Variants in STK3 observed in about 807,000 individuals in gnomAD.
STK3 encodes the protein serine/threonine kinase 3, also known as serine/threonine-protein kinase 3.
Under a neutral mutation model 58.0 loss-of-function variants are expected in STK3, and 41 were observed. The observed-to-expected ratio is 0.71, with a 90% CI of 0.55 to 0.92. STK3 has a LOEUF of 0.92. Among genes scored for constraint, STK3 ranks in the 40% least tolerant of loss-of-function variants. The pLI is 0.00. For missense variants in STK3, 479 were observed against 602.7 expected, an observed-to-expected ratio of 0.79 and a Z score of 2.15; for synonymous variants, 170 against 191.0, an observed-to-expected ratio of 0.89 and a Z score of 0.91.
At chr8:98,746,140 T>C (rs1311007356) in intron 4 of STK3, among the ~76,000 whole-genome samples, 1 of 152,222 alleles carries the variant, frequency 6.6e-6, no homozygotes, top group Admixed American at 6.5e-5. Context: ...ATTCAAATTA[T>C]CTCTAACCCC....
At chr8:98,687,969 A>G (rs542620456) in intron 6 of STK3, among the ~76,000 whole-genome samples, 1 of 152,326 alleles carries the variant, frequency 6.6e-6, no homozygotes, top group East Asian at 1.9e-4. Flanking sequence ...GGCCCACTTA[A>G]AAGACATAGA....
chr8:98,787,109 C>A (rs546671519), intron 1 of STK3, among the ~76,000 whole-genome samples: 2 of 122,716 alleles, frequency 1.6e-5, no homozygotes, highest in Non-Finnish European at 3.1e-5. Context: ...CTGGAGGTTG[C>A]AGTGAGCTGA....
At chr8:98,494,837 T>C (rs1823001855) in intron 10 of STK3, among the ~76,000 whole-genome samples, 1 of 151,948 alleles carries the variant, frequency 6.6e-6, no homozygotes, top group African/African-American at 2.4e-5. Context: ...GAAGCACAGC[T>C]ACTGTGGAAG....
At chr8:98,431,924 A>G (rs1157942940) in intron 3 of STK3, 2 of 167,088 alleles carry the variant, frequency 1.2e-5, no homozygotes, top group Non-Finnish European at 2.9e-5. Flanking sequence ...GAATGTCCCA[A>G]TAGCATTGAG....
chr8:98,568,814 A>G (rs1032239474), intron 8 of STK3, among the ~76,000 whole-genome samples: 1 of 152,172 alleles, frequency 6.6e-6, no homozygotes, highest in Non-Finnish European at 1.5e-5. Flanking sequence ...AGATAATTGA[A>G]AGACTAACCT....
intron 3 of STK3, among the ~76,000 whole-genome samples, chr8:98,871,388 T>C (rs1415695331): frequency 6.6e-6 from 1 of 152,222 alleles, no homozygotes; most frequent in Non-Finnish European, 1.5e-5. Flanking sequence ...AGAAAGTCAT[T>C]GGTAGCTTGA....
At chr8:98,917,536 CT>C (rs1302079284) in intron 1 of STK3, among the ~76,000 whole-genome samples, 8 of 152,264 alleles carry the variant, frequency 5.3e-5, no homozygotes, top group Admixed American at 2.6e-4. Flanking sequence ...GATTAGTACA[CT>C]TTTAAAAGAA....
chr8:98,783,555 G>T (rs926607637), intron 1 of STK3, among the ~76,000 whole-genome samples: 13 of 152,164 alleles, frequency 8.5e-5, no homozygotes, highest in African/African-American at 3.1e-4. Context: ...TGATCAGGGT[G>T]GTGGTTGCAA....
chr8:98,707,503 A>C (rs1490092247), intron 4 of STK3, among the ~76,000 whole-genome samples, 192 bp from the exon 5 acceptor site: 1 of 152,058 alleles, frequency 6.6e-6, no homozygotes, highest in African/African-American at 2.4e-5. Context: ...CCTGGGCTCA[A>C]GGCATGCTCC....
intron 10 of STK3, among the ~76,000 whole-genome samples, chr8:98,508,115 G>C (rs1824235375): frequency 6.6e-6 from 1 of 152,042 alleles, no homozygotes; most frequent in African/African-American, 2.4e-5. Flanking sequence ...TGAATATCTA[G>C]AACAGTGCCA....
intron 10 of STK3, 68 bp downstream of exon 10, chr8:98,526,674 A>ATGCTTCTCAATTTATATGAACTG: frequency 1.5e-6 from 2 of 1,335,810 alleles, no homozygotes; most frequent in Non-Finnish European, 1.0e-6. Flanking sequence ...CATATGAACT[A>ATGCTTCTCAATTTATATGAACTG]TGCTTCTCAA....
At chr8:98,921,401 A>T (rs1436365182) in intron 1 of STK3, 1 of 152,550 alleles carries the variant, frequency 6.6e-6, no homozygotes, top group Non-Finnish European at 1.5e-5. Flanking sequence ...GGAGATGGTC[A>T]TCCACTTCAA....
intron 1 of STK3, among the ~76,000 whole-genome samples, chr8:98,802,317 C>G (rs1191512659): frequency 6.6e-6 from 1 of 152,046 alleles, no homozygotes; most frequent in Admixed American, 6.6e-5. Flanking sequence ...TTTATAATTT[C>G]AAGAATAAGT....
chr8:98,860,094 T>C (rs1836870911), intron 3 of STK3, among the ~76,000 whole-genome samples: 1 of 152,226 alleles, frequency 6.6e-6, no homozygotes, highest in South Asian at 2.1e-4. Context: ...TATTAATCAA[T>C]ATTTATTTAC....
chr8:98,654,332 G>C (rs945171919), intron 6 of STK3, among the ~76,000 whole-genome samples: 6 of 152,056 alleles, frequency 3.9e-5, no homozygotes, highest in African/African-American at 4.8e-5. Flanking sequence ...TGGGACGTAT[G>C]TCAAAATAAT....
chr8:98,790,034 A>G lies in STK3; in HGVS notation c.27-15215T>C, dbSNP rs917104689. Among the ~76,000 whole-genome samples, 2 of 150,972 alleles carry G rather than the reference A, an allele frequency of 1.3e-5. 1 individual carries two copies. The highest frequency in any genetic ancestry group is 3.0e-5 in the Non-Finnish European group (2 of 67,656). On this transcript the variant is annotated intron_variant, in intron 1 of 10. Coordinates refer to ENST00000419617, the MANE Select transcript of STK3 (RefSeq NM_006281.4). ...CAAGAAGGAGACTTCATCTCAAAAA[A>G]AAAAAAAAAAAAAGTCCAGGACTAG...
chr8:98,400,951 G>C (rs921959589), downstream of STK3, among the ~76,000 whole-genome samples: 1 of 151,892 alleles, frequency 6.6e-6, no homozygotes, highest in Non-Finnish European at 1.5e-5. Flanking sequence ...TTCCTCCATC[G>C]AGAGATGGCG....
At chr8:98,785,843 A>G (rs1262994701) in intron 1 of STK3, among the ~76,000 whole-genome samples, 1 of 152,200 alleles carries the variant, frequency 6.6e-6, no homozygotes, top group Non-Finnish European at 1.5e-5. Context: ...GAAGAAAAAA[A>G]CAACATTGTA....
chr8:98,920,191 C>T (rs1839503068), intron 1 of STK3, among the ~76,000 whole-genome samples: 1 of 152,178 alleles, frequency 6.6e-6, no homozygotes, highest in African/African-American at 2.4e-5. Context: ...CAAACCTAAA[C>T]TGAAATTGCT....
Sources: allele counts gnomAD v4.1 joint callset (sites outside exome capture counted in the v4.1 genomes callset), GRCh38; gene constraint gnomAD v4.1.1; transcripts MANE v1.5; gene names NCBI Gene and HGNC (gene_info 2026-07-23, HGNC 2026-07-21).